The following ASNS variants were observed in gnomAD, a reference collection of about 807,000 sequenced individuals.
ASNS encodes asparagine synthetase [glutamine-hydrolyzing].
In ASNS, 37 loss-of-function variants were observed where a neutral mutation model predicts 62.6. The ratio of observed to expected loss-of-function variants is 0.59; its 90% CI spans 0.45 to 0.78. ASNS has a LOEUF of 0.78. ASNS is among the 30% of genes least tolerant of loss of function. The pLI is 0.00. For synonymous variants in ASNS, 207 were observed against 237.9 expected (o/e 0.87, Z 1.19); for missense variants, 520 against 682.4 (o/e 0.76, Z 2.65).
At chr7:97,910,634 T>C in the ASNS span, among the ~76,000 whole-genome samples, 16 of 151,818 alleles carry the variant, frequency 1.1e-4, no homozygotes, top group East Asian at 2.0e-4. Flanking sequence ...AGAGTCTCGT[T>C]CTTGCCACCC....
At chr7:97,879,140 T>C in the ASNS span, among the ~76,000 whole-genome samples, 14 of 152,058 alleles carry the variant, frequency 9.2e-5, no homozygotes, top group Admixed American at 4.6e-4. Flanking sequence ...TATACAAAAA[T>C]CAATTCAAGA....
chr7:97,877,127 C>G (rs1233132854), upstream of ASNS, among the ~76,000 whole-genome samples: 2 of 145,546 alleles, frequency 1.4e-5, no homozygotes, highest in African/African-American at 5.1e-5. Context: ...TGGAGTCTCT[C>G]TCTGTTGCCC....
At chr7:97,904,317 C>CAG in the ASNS span, among the ~76,000 whole-genome samples, 2,096 of 146,532 alleles carry the variant, frequency 0.014, 19 homozygotes, top group African/African-American at 0.021. Context: ...CACACACACA[C>CAG]AGAGAGAGAG....
chr7:97,924,279 G>A, the ASNS span, among the ~76,000 whole-genome samples: 2 of 152,118 alleles, frequency 1.3e-5, no homozygotes, highest in East Asian at 1.9e-4. Context: ...ACCAACATGC[G>A]CAGGTAGCAC....
chr7:97,882,269 C>A, the ASNS span, among the ~76,000 whole-genome samples: 6 of 152,288 alleles, frequency 3.9e-5, no homozygotes, highest in Admixed American at 2.0e-4. Flanking sequence ...CAACTCCAGG[C>A]CAGGCGCAGT....
chr7:97,889,039 A>T, the ASNS span, among the ~76,000 whole-genome samples: 1 of 152,206 alleles, frequency 6.6e-6, no homozygotes, highest in Non-Finnish European at 1.5e-5. Flanking sequence ...CACTGCCAGC[A>T]ACCAAAGGAG....
chr7:97,925,030 G>C, the ASNS span, among the ~76,000 whole-genome samples: 2 of 151,992 alleles, frequency 1.3e-5, no homozygotes, highest in East Asian at 1.9e-4. Flanking sequence ...CCAGCTACTC[G>C]GGAGGCTGAG....
At position 97,854,576 on chromosome 7, in the gene ASNS, T is replaced by C. The variant is rs1791344579; in HGVS notation, c.1238+4A>G. On this transcript the variant is annotated splice_donor_region_variant and intron_variant, in intron 10 of 12. Transcript: ENST00000394308. ...TGTTTTACAATAGCCTCTAAAAATA[T>C]TACCCATGGGCAGCAGTAGTTCGAT... 4 of 1,609,996 alleles carry C rather than the reference T, an allele frequency of 2.5e-6. No individual in the cohort carries two copies. The highest frequency in any genetic ancestry group is 2.5e-6 in the Non-Finnish European group (3 of 1,179,106).
the ASNS span, among the ~76,000 whole-genome samples, chr7:97,903,671 A>T: frequency 1.3e-5 from 2 of 152,198 alleles, no homozygotes; most frequent in Non-Finnish European, 2.9e-5. Context: ...TAAAAAAAAC[A>T]AACACTTCTG....
At chr7:97,928,339 C>G in the ASNS span, 1 of 1,237,754 alleles carries the variant, frequency 8.1e-7, no homozygotes, top group Non-Finnish European at 1.1e-6. Flanking sequence ...GAAGAAGGAC[C>G]CGGCGCAAGC....
the ASNS span, among the ~76,000 whole-genome samples, chr7:97,890,199 G>A: frequency 6.6e-6 from 1 of 152,070 alleles, no homozygotes; most frequent in African/African-American, 2.4e-5. Context: ...CATGACATAT[G>A]GGACACATAT....
At chr7:97,897,457 AAC>A in the ASNS span, among the ~76,000 whole-genome samples, 9 of 151,402 alleles carry the variant, frequency 5.9e-5, no homozygotes, top group East Asian at 1.5e-3. Flanking sequence ...TCAAAAAATA[AAC>A]AGACATTTCT....
At chr7:97,881,420 CTCCA>C in the ASNS span, among the ~76,000 whole-genome samples, 1 of 151,714 alleles carries the variant, frequency 6.6e-6, no homozygotes, top group Non-Finnish European at 1.5e-5. Context: ...ATCAAGCACT[CTCCA>C]TCCCCTCCCC....
At chr7:97,921,005 A>G in the ASNS span, among the ~76,000 whole-genome samples, 20 of 152,310 alleles carry the variant, frequency 1.3e-4, no homozygotes, top group East Asian at 2.9e-3. Flanking sequence ...CCATCTTAGG[A>G]AAATGTTAGA....
chr7:97,914,913 C>T, the ASNS span, among the ~76,000 whole-genome samples: 18 of 152,034 alleles, frequency 1.2e-4, no homozygotes, highest in Admixed American at 1.1e-3. Context: ...TAAGCAATCT[C>T]GAACACAGAA....
the ASNS span, among the ~76,000 whole-genome samples, chr7:97,900,822 G>T: frequency 6.6e-6 from 1 of 151,986 alleles, no homozygotes; most frequent in African/African-American, 2.4e-5. Flanking sequence ...GGATTTGCAC[G>T]TATAATCTTG....
At chr7:97,906,507 A>C in the ASNS span, 1 of 174,734 alleles carries the variant, frequency 5.7e-6, no homozygotes, top group Non-Finnish European at 1.2e-5. Context: ...CACAAATACA[A>C]TTTTCACCTC....
chr7:97,881,368 T>C, the ASNS span, among the ~76,000 whole-genome samples: 1 of 152,110 alleles, frequency 6.6e-6, no homozygotes, highest in African/African-American at 2.4e-5. Context: ...CAAAACATTT[T>C]CATTAACACC....
At chr7:97,875,121 CA>C (rs1792411207), upstream of ASNS, among the ~76,000 whole-genome samples, 1 of 152,196 alleles carries the variant, frequency 6.6e-6, no homozygotes, top group Admixed American at 6.5e-5. Flanking sequence ...CGACAATCCC[CA>C]AATCTCAGTG....
Sources: allele counts gnomAD v4.1 joint callset (sites outside exome capture counted in the v4.1 genomes callset), GRCh38; gene constraint gnomAD v4.1.1; transcripts MANE v1.5; gene names NCBI Gene and HGNC (gene_info 2026-07-23, HGNC 2026-07-21).